CALCR: variants seen among roughly 807,000 people sequenced by gnomAD.
CALCR encodes calcitonin receptor.
CALCR carries 47 observed loss-of-function variants against 59.5 expected under a neutral mutation model. That is an observed-to-expected ratio of 0.79 (90% CI 0.63 to 1.01). The LOEUF is 1.01. Among genes scored for constraint, CALCR ranks in the 50% least tolerant of loss-of-function variants. CALCR has a pLI of 0.00. For synonymous variants in CALCR, 213 were observed against 211.3 expected (o/e 1.01, Z -0.07); for missense variants, 566 against 597.1 (o/e 0.95, Z 0.54).
intron 2 of CALCR, among the ~76,000 whole-genome samples, chr7:93,539,053 C>T (rs1248476654): frequency 6.6e-6 from 1 of 152,048 alleles, no homozygotes; most frequent in Non-Finnish European, 1.5e-5. Context: ...ACTCATAGAT[C>T]TTATATGCTT....
At chr7:93,438,353 T>A in intron 9 of CALCR, 83 bp from the exon 10 acceptor site, 1 of 1,014,866 alleles carries the variant, frequency 9.9e-7, no homozygotes, top group Non-Finnish European at 1.6e-6. Context: ...GGTAGTGTAC[T>A]TGCAAAAATA....
intron 8 of CALCR, among the ~76,000 whole-genome samples, chr7:93,455,315 G>A (rs548706655): frequency 3.3e-5 from 5 of 151,902 alleles, no homozygotes; most frequent in South Asian, 2.1e-4. Context: ...TGTGGTTGTC[G>A]TTCTCATATT....
At chr7:93,540,956 T>A (rs900195164) in intron 2 of CALCR, among the ~76,000 whole-genome samples, 1 of 151,870 alleles carries the variant, frequency 6.6e-6, no homozygotes, top group African/African-American at 2.4e-5. Context: ...TAGCAAAAAA[T>A]TAAATTTCAT....
intron 8 of CALCR, among the ~76,000 whole-genome samples, chr7:93,460,559 A>G (rs1388744610): frequency 1.1e-4 from 10 of 93,638 alleles, no homozygotes; most frequent in African/African-American, 4.6e-4. Context: ...CTATCTAAAA[A>G]AAAAAAAAAA....
intron 13 of CALCR, among the ~76,000 whole-genome samples, chr7:93,427,187 G>C (rs912303560): frequency 6.6e-6 from 1 of 152,132 alleles, no homozygotes; most frequent in Non-Finnish European, 1.5e-5. Context: ...TGCCAGACTT[G>C]TTTTATAAAT....
chr7:93,451,555 G>T (rs1800110574), intron 8 of CALCR, among the ~76,000 whole-genome samples: 2 of 151,814 alleles, frequency 1.3e-5, no homozygotes, highest in Admixed American at 1.3e-4. Flanking sequence ...CAGAAAAAGA[G>T]CAATTACAGA....
chr7:93,537,947 G>A (rs578251212), intron 2 of CALCR, among the ~76,000 whole-genome samples: 47 of 151,878 alleles, frequency 3.1e-4, no homozygotes, highest in African/African-American at 1.1e-3. Context: ...TTTAAAATGG[G>A]TATTATTAAA....
intron 7 of CALCR, among the ~76,000 whole-genome samples, chr7:93,462,455 G>T (rs1800356895): frequency 6.6e-6 from 1 of 152,054 alleles, no homozygotes; most frequent in Admixed American, 6.6e-5. Flanking sequence ...AATTACTTAT[G>T]TGAAACCTCA....
At chr7:93,538,221 T>C in intron 2 of CALCR, among the ~76,000 whole-genome samples, 1 of 152,028 alleles carries the variant, frequency 6.6e-6, no homozygotes, top group South Asian at 2.1e-4. Flanking sequence ...CAAGAATGCA[T>C]AGTATGTGTT....
chr7:93,470,932 C>T (rs543160006), intron 6 of CALCR, among the ~76,000 whole-genome samples: 3 of 124,088 alleles, frequency 2.4e-5, no homozygotes, highest in Admixed American at 9.2e-5. Flanking sequence ...CCCCTCCCCC[C>T]ACCCCACAAC....
chr7:93,515,209 A>C (rs1326844128), intron 2 of CALCR, among the ~76,000 whole-genome samples: 1 of 152,072 alleles, frequency 6.6e-6, no homozygotes, highest in Non-Finnish European at 1.5e-5. Context: ...TATAAGGAAG[A>C]CTAAAAAAAT....
rs550682425 is a variant in CALCR, at chr7:93,540,892, C to A, written c.-27+33397G>T. ...TGTAAATCAACTTAATTCAGCATCT[C>A]TCTTTGCCCACTCATAATCAATCAG... is the stretch of plus-strand genomic sequence containing the variant. On this transcript the variant is annotated intron_variant, in intron 2 of 13. Transcript: ENST00000426151. Among the ~76,000 whole-genome samples, 151 of 151,678 alleles carry A rather than the reference C, an allele frequency of 1.0e-3. 1 individual carries two copies. Among genetic ancestry groups the A allele is most frequent in the African/African-American group, 3.3e-3 (138 of 41,390 alleles).
chr7:93,435,893 T>C, intron 12 of CALCR, 59 bp downstream of exon 12: 1 of 818,656 alleles, frequency 1.2e-6, no homozygotes, highest in South Asian at 1.6e-5. Context: ...GCTTTAGAGT[T>C]AAAATCAGCT....
chr7:93,571,404 A>T (rs1790000532), intron 2 of CALCR, among the ~76,000 whole-genome samples: 1 of 152,182 alleles, frequency 6.6e-6, no homozygotes. Context: ...ACATTTAAAA[A>T]AATATAACAC....
intron 2 of CALCR, among the ~76,000 whole-genome samples, chr7:93,519,496 G>T (rs1801714429): frequency 6.6e-6 from 1 of 151,788 alleles, no homozygotes; most frequent in South Asian, 2.1e-4. Flanking sequence ...GGGAAGTTGG[G>T]GAATTAGATA....
At chr7:93,516,743 A>AT (rs998225017) in intron 2 of CALCR, among the ~76,000 whole-genome samples, 1 of 151,822 alleles carries the variant, frequency 6.6e-6, no homozygotes, top group African/African-American at 2.4e-5. Context: ...AATGCTACTT[A>AT]TTTTCCAAAA....
At chr7:93,571,277 G>C (rs927105699) in intron 2 of CALCR, among the ~76,000 whole-genome samples, 12 of 151,964 alleles carry the variant, frequency 7.9e-5, no homozygotes, top group Admixed American at 7.2e-4. Context: ...TTATGTTCTT[G>C]TCATTCTCTA....
rs551018915 is a variant in CALCR at position 93,479,102 on chromosome 7, C to A, written c.205+252G>T. 8.6e-5 allele frequency among the ~76,000 whole-genome samples: 13 copies of A among 151,906 alleles called. No homozygotes were observed. The South Asian group carries it at 2.5e-3, about 29-fold the overall frequency. Reference sequence around the variant, plus strand: ...TCGGTCCTTTACTGTTCCGGCTCACCAGGTGTGAATACTGAATTATTGCGG... The same window carrying A: ...TCGGTCCTTTACTGTTCCGGCTCACAAGGTGTGAATACTGAATTATTGCGG... On this transcript the variant is annotated intron_variant, in intron 4 of 13. Coordinates refer to ENST00000426151, the MANE Select transcript of CALCR (RefSeq NM_001742.4).
At chr7:93,449,063 T>TAGTA (rs1438426469) in intron 8 of CALCR, among the ~76,000 whole-genome samples, 1 of 152,028 alleles carries the variant, frequency 6.6e-6, no homozygotes, top group African/African-American at 2.4e-5. Flanking sequence ...ATGGTCTAAA[T>TAGTA]AGTACCAACT....
Sources: allele counts gnomAD v4.1 joint callset (sites outside exome capture counted in the v4.1 genomes callset), GRCh38; gene constraint gnomAD v4.1.1; transcripts MANE v1.5; gene names NCBI Gene and HGNC (gene_info 2026-07-23, HGNC 2026-07-21).